The following PDCD10 variants were observed in gnomAD, a reference collection of about 807,000 sequenced individuals.
The protein encoded by PDCD10 is programmed cell death protein 10.
PDCD10 carries 4 observed loss-of-function variants against 29.2 expected under a neutral mutation model. The ratio of observed to expected loss-of-function variants is 0.14; its 90% confidence interval spans 0.07 to 0.31. PDCD10 has a LOEUF of 0.31. PDCD10 is among the 10% of genes least tolerant of loss of function. The pLI is 1.00. For missense variants in PDCD10, 183 were observed against 257.9 expected (o/e 0.71, Z 1.99); for synonymous variants, 70 against 82.2 (o/e 0.85, Z 0.80).
chr3:167,707,377 T>C (rs998655040), intron 3 of PDCD10, among the ~76,000 whole-genome samples: 2 of 151,996 alleles, frequency 1.3e-5, no homozygotes, highest in Admixed American at 1.3e-4. Flanking sequence ...TAGGGTAACT[T>C]TAAAGAATAA....
rs75752703 is a variant in PDCD10, at chr3:167,733,420, C to A, written c.-117+794G>T. Among the ~76,000 whole-genome samples the A allele has an allele frequency of 9.8e-3, 1,488 of 152,210 alleles. 32 individuals carry two copies. The highest frequency in any genetic ancestry group is 0.098 in the East Asian group (506 of 5,182). On this transcript the variant is annotated intron_variant, in intron 2 of 8. Coordinates refer to ENST00000392750, the MANE Select transcript of PDCD10 (RefSeq NM_007217.4). ...TACTTTCTGCAAGATATGAACTATA[C>A]GTGTACTGTTTTTTCATTCTTCAAT...
chr3:167,683,363 T>C lies in PDCD10; in HGVS notation c.*945A>G, dbSNP rs1339831298. The C allele has an allele frequency of 6.6e-6, 1 of 152,062 alleles. No homozygotes were observed. Among genetic ancestry groups the C allele is most frequent in the Non-Finnish European group, 1.5e-5 (1 of 67,930 alleles). The allele number at this position is 152,062 out of a possible 1,614,324, so 9.4% of individuals were successfully genotyped here. A position where few individuals can be genotyped will look rare whatever the true frequency, so the allele number is the denominator to read the frequency against. Reference sequence around the variant, plus strand: ...CCACTTAACATGAACACTTGATACATAATTTCCTTAAAACTTCTCTATGGT... The same window carrying C: ...CCACTTAACATGAACACTTGATACACAATTTCCTTAAAACTTCTCTATGGT... On this transcript the variant is annotated 3_prime_UTR_variant, in exon 9 of 9. Coordinates refer to ENST00000392750, the MANE Select transcript of PDCD10 (RefSeq NM_007217.4).
In PDCD10 at chr3:167,726,464, T is replaced by C. The variant is rs571728031; in HGVS notation, c.-116-6191A>G. On this transcript the variant is annotated intron_variant, in intron 2 of 8. Coordinates refer to ENST00000392750, the MANE Select transcript of PDCD10 (RefSeq NM_007217.4). The stretch of plus-strand genomic sequence containing the variant: ...AGAAGTAACTTTTTCTACACATAGA[T>C]AGACAGTATACAGCAGGAGATAGTG... 7.7e-4 allele frequency among the ~76,000 whole-genome samples: 117 copies of C among 152,272 alleles called. 1 individual carries two copies. The South Asian group carries it at 0.018, about 23-fold the overall frequency.
At chr3:167,730,840 A>G (rs1303192555) in intron 2 of PDCD10, 1 of 152,216 alleles carries the variant, frequency 6.6e-6, no homozygotes, top group Non-Finnish European at 1.5e-5. Context: ...TAAGATTAGA[A>G]AAGTATTAGA....
intron 6 of PDCD10, among the ~76,000 whole-genome samples, chr3:167,690,197 A>T (rs1226319058): frequency 6.6e-6 from 1 of 152,260 alleles, no homozygotes; most frequent in East Asian, 1.9e-4. Context: ...CAGCTTTGCG[A>T]AACATTACAC....
Position 167,720,241 on chromosome 3 carries a change from G to A in PDCD10, c.-84C>T. On this transcript the variant is annotated 5_prime_UTR_variant, in exon 3 of 9. Transcript: ENST00000392750. ...TGCAATATTTCTTCTCTTTTTTGGT[G>A]ATAAAAGAATTGGACACAAAAAACA... 1 of 923,014 alleles carries A rather than the reference G, an allele frequency of 1.1e-6. No homozygotes were observed. Among genetic ancestry groups the A allele is most frequent in the Non-Finnish European group, 1.8e-6 (1 of 563,796 alleles). 57.2% of individuals were successfully genotyped at this position (923,014 alleles called of 1,614,324 possible). A position where few individuals can be genotyped will look rare whatever the true frequency, so the allele number is the denominator to read the frequency against.
At chr3:167,688,342 C>G (rs1719860178) in intron 6 of PDCD10, among the ~76,000 whole-genome samples, 1 of 152,084 alleles carries the variant, frequency 6.6e-6, no homozygotes, top group Non-Finnish European at 1.5e-5. Flanking sequence ...GTCACTATTC[C>G]CTTTGGAAAA....
chr3:167,719,973 T>C (rs1723411495), intron 3 of PDCD10, 89 bp downstream of exon 3: 1 of 931,128 alleles, frequency 1.1e-6, no homozygotes, highest in Non-Finnish European at 1.8e-6. Flanking sequence ...ATGCTAGTAT[T>C]TGTTATACAA....
chr3:167,731,797 A>G (rs1289381335), intron 2 of PDCD10, among the ~76,000 whole-genome samples: 1 of 152,188 alleles, frequency 6.6e-6, no homozygotes. Flanking sequence ...GAGTATGGTG[A>G]ATACATGGCG....
intron 2 of PDCD10, among the ~76,000 whole-genome samples, chr3:167,721,758 CA>C (rs1413611090): frequency 6.6e-6 from 1 of 152,032 alleles, no homozygotes; most frequent in Non-Finnish European, 1.5e-5. Flanking sequence ...CTTGACAGAA[CA>C]AAAAGAGCAA....
chr3:167,699,744 G>A (rs1005686757), intron 4 of PDCD10, among the ~76,000 whole-genome samples: 2 of 152,192 alleles, frequency 1.3e-5, no homozygotes, highest in African/African-American at 4.8e-5. Flanking sequence ...TCTCATAGAG[G>A]ATAAGGGGGA....
At chr3:167,696,008 A>C (rs1720773010) in intron 5 of PDCD10, among the ~76,000 whole-genome samples, 1 of 148,970 alleles carries the variant, frequency 6.7e-6, no homozygotes, top group African/African-American at 2.5e-5. Flanking sequence ...CAAAAAAAAA[A>C]CAGATTTAAA....
At chr3:167,729,901 C>A (rs1724619624) in intron 2 of PDCD10, among the ~76,000 whole-genome samples, 1 of 152,042 alleles carries the variant, frequency 6.6e-6, no homozygotes, top group African/African-American at 2.4e-5. Flanking sequence ...TAATAAAATT[C>A]TTTTCTTTTT....
rs201857174 is a variant in PDCD10 at position 167,687,650 on chromosome 3, T to C, written c.439A>G (p.Asn147Asp). 1.9e-6 allele frequency: 3 copies of C among 1,599,636 alleles called. No individual in the cohort carries two copies. Among genetic ancestry groups the C allele is most frequent in the Middle Eastern group, 1.7e-4 (1 of 6,044 alleles). The change falls in exon 7 of 9, where the codon AAT becomes GAT. Residue 147 changes from asparagine (N) to aspartate (D), a missense_variant. Coordinates refer to ENST00000392750, the MANE Select transcript of PDCD10 (RefSeq NM_007217.4). ...AIKELLDTVN[N>D]VFKKYQYQNR... ...TGGTATTGATATTTCTTGAAGACAT[T>C]ATTCACTGTATCAAGAAGTTCTTTT...
chr3:167,704,174 T>C (rs1027599001), intron 4 of PDCD10, among the ~76,000 whole-genome samples: 2 of 152,244 alleles, frequency 1.3e-5, no homozygotes, highest in Non-Finnish European at 2.9e-5. Flanking sequence ...TCATGTTCTA[T>C]AATTAAACAA....
intron 6 of PDCD10, among the ~76,000 whole-genome samples, chr3:167,688,183 A>G (rs1719834601): frequency 6.6e-6 from 1 of 152,184 alleles, no homozygotes. Flanking sequence ...CTAGATACCT[A>G]TTAGTTTTGA....
chr3:167,696,945 A>G (rs1720879225), intron 5 of PDCD10, 64 bp downstream of exon 5: 1 of 863,150 alleles, frequency 1.2e-6, no homozygotes, highest in African/African-American at 1.6e-5. Context: ...GTCAAATAAT[A>G]ATGATTTAGA....
chr3:167,695,751 A>T (rs780389548), intron 5 of PDCD10, 29 bp from the exon 6 acceptor site: 1 of 1,609,016 alleles, frequency 6.2e-7, no homozygotes, highest in South Asian at 1.1e-5. Flanking sequence ...AATAAAAAAC[A>T]TCCTGCGACT....
intron 8 of PDCD10, among the ~76,000 whole-genome samples, chr3:167,684,763 T>A (rs1018404960): frequency 3.3e-5 from 5 of 152,124 alleles, no homozygotes; most frequent in African/African-American, 1.2e-4. Context: ...ATCTCAAAAT[T>A]TGTAATTAAT....
Sources: gnomAD v4.1 joint callset for allele counts (sites outside exome capture counted in the v4.1 genomes callset) on GRCh38, gnomAD v4.1.1 for gene constraint, MANE v1.5 for transcripts, NCBI Gene and HGNC (gene_info 2026-07-23, HGNC 2026-07-21) for gene names.